BCAS3: variants seen among roughly 807,000 people sequenced by gnomAD.
BCAS3 encodes BCAS4/BCAS3 fusion.
In BCAS3, 53 loss-of-function variants were observed where a neutral mutation model predicts 116.1. The observed-to-expected ratio is 0.46, with a 90% CI of 0.37 to 0.57. The LOEUF is 0.57. BCAS3 is among the 20% of genes least tolerant of loss of function. BCAS3 has a pLI of 0.00. For missense variants in BCAS3, 917 were observed against 1,165.4 expected, an observed-to-expected ratio of 0.79 and a Z score of 3.10; for synonymous variants, 391 against 408.2, an observed-to-expected ratio of 0.96 and a Z score of 0.51.
At chr17:61,236,883 A>G (rs2083104277) in intron 22 of BCAS3, among the ~76,000 whole-genome samples, 1 of 152,100 alleles carries the variant, frequency 6.6e-6, no homozygotes, top group African/African-American at 2.4e-5. Context: ...AACACAAAGG[A>G]AAAATTGGAG....
At chr17:60,769,855 A>G (rs2044483639) in intron 6 of BCAS3, among the ~76,000 whole-genome samples, 1 of 151,350 alleles carries the variant, frequency 6.6e-6, no homozygotes, top group South Asian at 2.1e-4. Flanking sequence ...GCTCACTGCA[A>G]CCTCCATCTC....
At chr17:61,252,881 AT>A (rs35598768) in intron 22 of BCAS3, among the ~76,000 whole-genome samples, 1,433 of 137,606 alleles carry the variant, frequency 0.01, 17 homozygotes, top group African/African-American at 0.036. Flanking sequence ...GTTCCTATAC[AT>A]TTTTTTTTTT....
At chr17:61,022,851 G>A (rs2065974526) in intron 16 of BCAS3, among the ~76,000 whole-genome samples, 1 of 151,540 alleles carries the variant, frequency 6.6e-6, no homozygotes, top group Non-Finnish European at 1.5e-5. Context: ...TATTGCCCAG[G>A]CTAGTCTTGA....
rs1358600323 is a variant in BCAS3, at chr17:61,065,597, C to T, written c.2030-9323C>T. Among the ~76,000 whole-genome samples, 1 of 152,142 alleles carries T rather than the reference C, an allele frequency of 6.6e-6. No individual in the cohort carries two copies. Among genetic ancestry groups the T allele is most frequent in the Non-Finnish European group, 1.5e-5 (1 of 68,024 alleles). On this transcript the variant is annotated intron_variant, in intron 19 of 23. Transcript: ENST00000407086. This position sits in a 1 kb window ranked among gnomAD's most constrained non-coding sequence, Gnocchi z 4.8. ...AAAGGAATGTTGTTCCTCTAAATAA[C>T]CTAAACGACTGAAAAATGCTGGCAC...
chr17:60,833,483 G>A (rs2051113197), intron 7 of BCAS3, among the ~76,000 whole-genome samples: 1 of 152,148 alleles, frequency 6.6e-6, no homozygotes, highest in Admixed American at 6.5e-5. Context: ...TCAAGATTGT[G>A]TCAGAAACTC....
rs769807244 is a variant in BCAS3, at chr17:61,258,140, G to A, written c.2426-110187G>A. On this transcript the variant is annotated intron_variant, in intron 22 of 23. Coordinates refer to ENST00000407086, the MANE Select transcript of BCAS3 (RefSeq NM_017679.5). This position sits in a 1 kb window ranked among gnomAD's most constrained non-coding sequence, Gnocchi z 4.7. ...CCTTTCAAGGTTTAGAGAAAATAGCGCTCTTCCTTGCAACCTTTCTGATTA... is the reference window on the plus strand; with the variant it reads ...CCTTTCAAGGTTTAGAGAAAATAGCACTCTTCCTTGCAACCTTTCTGATTA... Among the ~76,000 whole-genome samples the A allele has an allele frequency of 7.2e-5, 11 of 152,142 alleles. No individual in the cohort carries two copies. Among genetic ancestry groups the A allele is most frequent in the African/African-American group, 1.2e-4 (5 of 41,426 alleles).
At chr17:61,193,047 A>G (rs2080243298) in intron 22 of BCAS3, among the ~76,000 whole-genome samples, 1 of 152,190 alleles carries the variant, frequency 6.6e-6, no homozygotes, top group South Asian at 2.1e-4. Context: ...GGATCACCTG[A>G]GCTCAGGAAT....
At chr17:61,167,322 C>G (rs570566302) in intron 22 of BCAS3, among the ~76,000 whole-genome samples, 1 of 152,286 alleles carries the variant, frequency 6.6e-6, no homozygotes, top group East Asian at 1.9e-4. Context: ...CTTATCTAGT[C>G]CCACTTCCTT....
At position 61,358,180 on chromosome 17, in the gene BCAS3, A is replaced by G. The variant is rs566252422; in HGVS notation, c.2426-10147A>G. 5.3e-5 allele frequency among the ~76,000 whole-genome samples: 8 copies of G among 152,292 alleles called. No homozygotes were observed. The South Asian group carries it at 1.7e-3, about 32-fold the overall frequency. On this transcript the variant is annotated intron_variant, in intron 22 of 23. Coordinates refer to ENST00000407086, the MANE Select transcript of BCAS3 (RefSeq NM_017679.5). ...TGACTACCCAGAGACAGCGTGGTTA[A>G]CATTTTGTCGTGAATCATTTAGAAT... is the stretch of plus-strand genomic sequence containing the variant.
intron 7 of BCAS3, among the ~76,000 whole-genome samples, chr17:60,850,708 A>G (rs1194330724): frequency 6.6e-6 from 1 of 152,126 alleles, no homozygotes; most frequent in Non-Finnish European, 1.5e-5. Context: ...ATATGCATTC[A>G]GGGTTCCCTC....
At chr17:60,999,730 A>G (rs1342697729) in intron 15 of BCAS3, among the ~76,000 whole-genome samples, 1 of 152,066 alleles carries the variant, frequency 6.6e-6, no homozygotes, top group Middle Eastern at 3.2e-3. Flanking sequence ...GAATCTTTAG[A>G]TTACTTTGGG....
chr17:60,886,698 C>A (rs2056669117), intron 9 of BCAS3, among the ~76,000 whole-genome samples: 1 of 152,044 alleles, frequency 6.6e-6, no homozygotes, highest in Non-Finnish European at 1.5e-5. Flanking sequence ...GTTGGAATAA[C>A]CTGCCGTGTG....
intron 6 of BCAS3, among the ~76,000 whole-genome samples, chr17:60,791,784 T>C (rs903532289): frequency 6.6e-6 from 1 of 152,188 alleles, no homozygotes; most frequent in Non-Finnish European, 1.5e-5. Context: ...AAATTAGTGT[T>C]TATCTTTTTT....
chr17:61,163,251 A>C (rs753168567), intron 22 of BCAS3, among the ~76,000 whole-genome samples: 186 of 152,002 alleles, frequency 1.2e-3, no homozygotes, highest in Middle Eastern at 6.8e-3. Flanking sequence ...GGTGAAACCC[A>C]GTCTCTACTA....
At position 61,388,631 on chromosome 17, in the gene BCAS3, A is replaced by G. The variant is rs1332966504; in HGVS notation, c.2594-3346A>G. On this transcript the variant is annotated intron_variant, in intron 23 of 23. Transcript: ENST00000407086. The surrounding 1 kb of genome is among the most constrained non-coding windows in gnomAD (Gnocchi z 6.5). Reference sequence around the variant, plus strand: ...TCTTTTCAAAAGGGAAAAAAAAAGGAAAAAAAAAACAATGCCAACAGCCCA... The same window carrying G: ...TCTTTTCAAAAGGGAAAAAAAAAGGGAAAAAAAAACAATGCCAACAGCCCA... The G allele has an allele frequency of 2.0e-6, 3 of 1,485,554 alleles. No individual in the cohort carries two copies. Among genetic ancestry groups the G allele is most frequent in the African/African-American group, 1.4e-5 (1 of 70,946 alleles). The allele number at this position is 1,485,554 out of a possible 1,614,324, so 92.0% of individuals were successfully genotyped here.
At chr17:60,736,526 C>T (rs2040984563) in intron 5 of BCAS3, among the ~76,000 whole-genome samples, 1 of 151,992 alleles carries the variant, frequency 6.6e-6, no homozygotes, top group Non-Finnish European at 1.5e-5. Flanking sequence ...GTAATACTGG[C>T]CTCCTAAAAT....
intron 14 of BCAS3, among the ~76,000 whole-genome samples, chr17:60,947,771 T>C (rs546032513): frequency 2.0e-5 from 3 of 152,128 alleles, no homozygotes; most frequent in East Asian, 1.9e-4. Flanking sequence ...ACAAAAATAG[T>C]TTCATGATGA....
intron 19 of BCAS3, among the ~76,000 whole-genome samples, chr17:61,071,690 T>C (rs1362213797): frequency 1.3e-5 from 2 of 152,168 alleles, no homozygotes; most frequent in Non-Finnish European, 2.9e-5. Context: ...CAATACTAAA[T>C]ATAATAGGAA....
At chr17:61,125,646 A>G (rs969339881) in intron 22 of BCAS3, among the ~76,000 whole-genome samples, 2 of 152,192 alleles carry the variant, frequency 1.3e-5, no homozygotes, top group African/African-American at 4.8e-5. Context: ...GCTCACCAAC[A>G]GAGTACTTTA....
Sources: gnomAD v4.1 joint callset for allele counts (sites outside exome capture counted in the v4.1 genomes callset) on GRCh38, gnomAD v4.1.1 for gene constraint, Gnocchi (gnomAD v3.1) non-coding constraint, MANE v1.5 for transcripts, NCBI Gene and HGNC (gene_info 2026-07-23, HGNC 2026-07-21) for gene names.